The following CNTN4 variants were observed in gnomAD, a reference collection of about 807,000 sequenced individuals.
CNTN4 encodes the protein contactin 4.
Under a neutral mutation model 122.5 loss-of-function variants are expected in CNTN4, and 77 were observed. The observed-to-expected ratio is 0.63, with a 90% CI of 0.52 to 0.76. CNTN4 has a LOEUF of 0.76. Ranked by LOEUF, CNTN4 falls within the 30% of genes least tolerant of loss-of-function variation. The pLI is 0.00. For missense variants in CNTN4, 1,256 were observed against 1,259.1 expected (o/e 1.00, Z 0.04); for synonymous variants, 512 against 447.0 (o/e 1.15, Z -1.83).
At chr3:2,445,021 C>CAAA (rs2048571264) in intron 3 of CNTN4, among the ~76,000 whole-genome samples, 1 of 145,038 alleles carries the variant, frequency 6.9e-6, no homozygotes, top group African/African-American at 2.8e-5. Flanking sequence ...AAATCTATCT[C>CAAA]TCTATCTATC....
At chr3:2,288,963 C>T (rs369181464) in intron 2 of CNTN4, among the ~76,000 whole-genome samples, 12 of 151,862 alleles carry the variant, frequency 7.9e-5, no homozygotes, top group African/African-American at 2.7e-4. Flanking sequence ...AGATAGGTAG[C>T]GAAATTCAAG....
intron 3 of CNTN4, among the ~76,000 whole-genome samples, chr3:2,562,231 C>G (rs1288146986): frequency 6.6e-6 from 1 of 152,086 alleles, no homozygotes; most frequent in Non-Finnish European, 1.5e-5. Flanking sequence ...ACTTCATAAT[C>G]TCAACTTTTA....
chr3:2,584,609 A>C (rs898054585), intron 4 of CNTN4, among the ~76,000 whole-genome samples: 1 of 150,082 alleles, frequency 6.7e-6, no homozygotes, highest in Non-Finnish European at 1.5e-5. Context: ...GAGGCTGAGA[A>C]TCACTTGAAT....
intron 12 of CNTN4, among the ~76,000 whole-genome samples, chr3:2,910,311 A>G (rs1330465780): frequency 3.3e-5 from 5 of 152,240 alleles, no homozygotes; most frequent in Non-Finnish European, 7.3e-5. Context: ...AGCCTAAGGC[A>G]TCACTGAGCA....
intron 13 of CNTN4, among the ~76,000 whole-genome samples, chr3:2,985,065 A>G (rs1014930288): frequency 1.3e-5 from 2 of 152,256 alleles, no homozygotes; most frequent in Non-Finnish European, 2.9e-5. Flanking sequence ...TGTGATGTGA[A>G]TGAACAAAAG....
chr3:2,614,775 G>C (rs2081643010), intron 4 of CNTN4, among the ~76,000 whole-genome samples: 1 of 152,088 alleles, frequency 6.6e-6, no homozygotes, highest in African/African-American at 2.4e-5. Flanking sequence ...AGAGATGCCA[G>C]ATAAACAGTT....
At chr3:2,328,632 G>T (rs1434465049) in intron 2 of CNTN4, among the ~76,000 whole-genome samples, 1 of 151,104 alleles carries the variant, frequency 6.6e-6, no homozygotes, top group African/African-American at 2.4e-5. Context: ...CCACATCTGC[G>T]GATTCAACCA....
intron 2 of CNTN4, among the ~76,000 whole-genome samples, chr3:2,312,133 T>C (rs772449384): frequency 2.6e-5 from 4 of 151,890 alleles, no homozygotes; most frequent in Non-Finnish European, 5.9e-5. Context: ...AGTAACATAG[T>C]GGGACCTTGT....
intron 3 of CNTN4, among the ~76,000 whole-genome samples, chr3:2,457,477 C>A (rs2049044773): frequency 6.6e-6 from 1 of 152,008 alleles, no homozygotes; most frequent in South Asian, 2.1e-4. Flanking sequence ...AAAATCCAAA[C>A]AGTAAAGAAA....
At chr3:2,576,035 C>T (rs550167623) in intron 4 of CNTN4, among the ~76,000 whole-genome samples, 2 of 151,952 alleles carry the variant, frequency 1.3e-5, no homozygotes, top group Non-Finnish European at 2.9e-5. Flanking sequence ...CGGGGTTTCA[C>T]CATGTTAGCC....
chr3:2,246,855 T>A (rs2040173403), intron 2 of CNTN4, among the ~76,000 whole-genome samples: 1 of 151,884 alleles, frequency 6.6e-6, no homozygotes, highest in Non-Finnish European at 1.5e-5. Context: ...TGGAATGAGT[T>A]GGCAGTGGAT....
intron 3 of CNTN4, among the ~76,000 whole-genome samples, chr3:2,462,185 C>G (rs2049239349): frequency 6.6e-6 from 1 of 152,184 alleles, no homozygotes; most frequent in Admixed American, 6.5e-5. Flanking sequence ...TGGCATCCAG[C>G]AAAAGATTTC....
chr3:2,266,710 A>C (rs4685504), intron 2 of CNTN4, among the ~76,000 whole-genome samples: 81,668 of 151,796 alleles, frequency 0.54, 22,611 homozygotes, highest in South Asian at 0.68. Flanking sequence ...GGTAAGGAAC[A>C]GCATTGCTAT....
At chr3:2,433,054 C>T (rs1324321110) in intron 3 of CNTN4, among the ~76,000 whole-genome samples, 1 of 152,032 alleles carries the variant, frequency 6.6e-6, no homozygotes, top group Non-Finnish European at 1.5e-5. Flanking sequence ...AACTCCTGGG[C>T]TCAAGCAATC....
intron 2 of CNTN4, among the ~76,000 whole-genome samples, chr3:2,327,712 C>G (rs968241209): frequency 6.6e-6 from 1 of 152,096 alleles, no homozygotes; most frequent in Non-Finnish European, 1.5e-5. Flanking sequence ...TAGTGATCTT[C>G]CTCCAAATGC....
chr3:2,429,510 G>A (rs996976649), intron 3 of CNTN4, among the ~76,000 whole-genome samples: 14 of 152,210 alleles, frequency 9.2e-5, no homozygotes, highest in Non-Finnish European at 1.8e-4. Flanking sequence ...GTGCCTCCCA[G>A]TTAGGCTACT....
chr3:2,483,376 G>A (rs1485288110), intron 3 of CNTN4, among the ~76,000 whole-genome samples: 2 of 152,096 alleles, frequency 1.3e-5, no homozygotes, highest in Non-Finnish European at 2.9e-5. Context: ...CCACCTCATA[G>A]GCAGAAGGGA....
intron 3 of CNTN4, among the ~76,000 whole-genome samples, chr3:2,450,455 T>A (rs140755142): frequency 1.5e-3 from 223 of 152,086 alleles, no homozygotes; most frequent in Non-Finnish European, 2.5e-3. Flanking sequence ...AAGAGATGTG[T>A]TTGTATGTTT....
intron 8 of CNTN4, among the ~76,000 whole-genome samples, chr3:2,878,755 G>T (rs1201301285): frequency 6.6e-6 from 1 of 152,138 alleles, no homozygotes; most frequent in African/African-American, 2.4e-5. Flanking sequence ...ATATAGCTAT[G>T]AAAAAGACAG....
Sources: gnomAD v4.1 joint callset for allele counts (sites outside exome capture counted in the v4.1 genomes callset) on GRCh38, gnomAD v4.1.1 for gene constraint, MANE v1.5 for transcripts, NCBI Gene and HGNC (gene_info 2026-07-23, HGNC 2026-07-21) for gene names.